The following MZT2B variants were observed in gnomAD, a reference collection of about 807,000 sequenced individuals.
MZT2B encodes mitotic spindle organizing protein 2B, also known as mitotic-spindle organizing protein 2B.
A neutral mutation model predicts 12.1 loss-of-function variants in MZT2B; 11 were observed. That is an observed-to-expected ratio of 0.91 (90% CI 0.57 to 1.50). The LOEUF (loss-of-function observed/expected upper bound fraction) is 1.50. MZT2B is among the 40% of genes most tolerant of loss of function. The pLI, the probability that MZT2B is intolerant of heterozygous loss-of-function variation, is 0.00. For missense variants in MZT2B, 209 were observed against 227.7 expected, an observed-to-expected ratio of 0.92 and a Z score of 0.53; for synonymous variants, 85 against 109.5, an observed-to-expected ratio of 0.78 and a Z score of 1.40.
intron 2 of MZT2B, among the ~76,000 whole-genome samples, chr2:130,189,729 G>C (rs1690188743): frequency 6.6e-6 from 1 of 152,234 alleles, no homozygotes; most frequent in Non-Finnish European, 1.5e-5. Context: ...CCCAAGTGTG[G>C]TTGCAGATTT....
downstream of MZT2B, chr2:130,191,709 T>C: frequency 6.7e-7 from 1 of 1,497,392 alleles, no homozygotes; most frequent in Non-Finnish European, 8.9e-7. Context: ...CACCAGCTCC[T>C]GTAGGCAGAG....
chr2:130,195,928 C>T, the MZT2B span, among the ~76,000 whole-genome samples: 1 of 152,240 alleles, frequency 6.6e-6, no homozygotes, highest in Non-Finnish European at 1.5e-5. Context: ...TTACTGCTGG[C>T]AAAGCAGCTT....
At chr2:130,198,177 G>A in the MZT2B span, among the ~76,000 whole-genome samples, 7 of 123,546 alleles carry the variant, frequency 5.7e-5, 2 homozygotes, top group Non-Finnish European at 8.9e-5. Flanking sequence ...AAAAGCCGCC[G>A]TCCCTGCCCT....
chr2:130,192,104 G>C (rs140400985), downstream of MZT2B: 1,222 of 1,601,314 alleles, frequency 7.6e-4, 21 homozygotes, highest in South Asian at 0.013. Context: ...GGACCACTGT[G>C]GGGGGCTGGT....
At chr2:130,204,327 G>C in the MZT2B span, 1 of 377,364 alleles carries the variant, frequency 2.6e-6, no homozygotes, top group African/African-American at 2.1e-5. Context: ...AGGAGGAGGA[G>C]ATGGAAGTAG....
At chr2:130,184,445 C>T in intron 2 of MZT2B, 1 of 985,472 alleles carries the variant, frequency 1.0e-6, no homozygotes, top group Non-Finnish European at 1.2e-6. Flanking sequence ...CACACTCCAG[C>T]ACTCAGCCCC....
At chr2:130,186,350 G>C (rs1235982884) in intron 2 of MZT2B, among the ~76,000 whole-genome samples, 1 of 152,202 alleles carries the variant, frequency 6.6e-6, no homozygotes, top group African/African-American at 2.4e-5. Flanking sequence ...ATACCCACAG[G>C]GAAGGGGAAA....
At chr2:130,197,906 C>G in the MZT2B span, among the ~76,000 whole-genome samples, 1 of 125,212 alleles carries the variant, frequency 8.0e-6, no homozygotes, top group African/African-American at 2.8e-5. Flanking sequence ...CCGCGCCTGG[C>G]CTAACGGTTG....
downstream of MZT2B, chr2:130,194,519 C>T (rs1007243911): frequency 1.5e-5 from 22 of 1,501,776 alleles, 1 homozygote; most frequent in Admixed American, 4.3e-4. Flanking sequence ...ACACCACCAA[C>T]CTCCAACAAG....
rs547935376 is a variant in MZT2B, at chr2:130,186,932, A to G, written c.320-3537A>G. ...AAAATAAACAAAAAACCCCAAAGTG[A>G]ATGAGGCTGGGCATTGGTTCACACC... On this transcript the variant is annotated intron_variant, in intron 2 of 2. Coordinates refer to ENST00000281871, the MANE Select transcript of MZT2B (RefSeq NM_025029.5). Among the ~76,000 whole-genome samples, 19 of 133,640 alleles carry G rather than the reference A, an allele frequency of 1.4e-4. No individual in the cohort carries two copies. In the East Asian group the frequency reaches 4.3e-3, roughly 31 times the overall value. The allele number at this position is 133,640 out of a possible 152,430, so 87.7% of individuals were successfully genotyped here. A position where few individuals can be genotyped will look rare whatever the true frequency, so the allele number is the denominator to read the frequency against.
chr2:130,190,801 G>C, downstream of MZT2B: 4 of 1,347,656 alleles, frequency 3.0e-6, no homozygotes, highest in Non-Finnish European at 3.8e-6. Flanking sequence ...TTTCTGTGCC[G>C]GTCCTGGTTG....
At position 130,190,711 on chromosome 2, in the gene MZT2B, G is replaced by T; in HGVS notation, c.*85G>T. Reference sequence around the variant, plus strand: ...AATTGATAATAAACCTTTCTGAGATGCAGAGGGTCCAGGTCAGATGTTGTC... The same window carrying T: ...AATTGATAATAAACCTTTCTGAGATTCAGAGGGTCCAGGTCAGATGTTGTC... On this transcript the variant is annotated 3_prime_UTR_variant, in exon 3 of 3. Transcript: ENST00000281871. 3 of 1,508,790 alleles carry T rather than the reference G, an allele frequency of 2.0e-6. No homozygotes were observed. Among genetic ancestry groups the T allele is most frequent in the Non-Finnish European group, 1.8e-6 (2 of 1,125,420 alleles). The allele number at this position is 1,508,790 out of a possible 1,614,324, so 93.5% of individuals were successfully genotyped here.
chr2:130,191,661 C>T (rs570011017), downstream of MZT2B: 27 of 1,251,432 alleles, frequency 2.2e-5, no homozygotes, highest in East Asian at 4.1e-4. Flanking sequence ...GCAGGGCAGG[C>T]TGGCACCCCA....
chr2:130,198,526 G>A, the MZT2B span: 27 of 836,504 alleles, frequency 3.2e-5, 7 homozygotes, highest in Non-Finnish European at 4.5e-5. Flanking sequence ...GCCGAGGGCC[G>A]GATCCCAGTT....
chr2:130,192,008 G>T, downstream of MZT2B: 1 of 1,614,070 alleles, frequency 6.2e-7, no homozygotes, highest in Non-Finnish European at 8.5e-7. Context: ...CGAACTTATG[G>T]ACCAGGCGGG....
intron 2 of MZT2B, among the ~76,000 whole-genome samples, chr2:130,188,903 A>C (rs574534076): frequency 5.9e-5 from 9 of 152,154 alleles, no homozygotes; most frequent in Non-Finnish European, 1.3e-4. Flanking sequence ...ACCCGGTTGC[A>C]TCTTTTCTCC....
chr2:130,187,189 TTTTA>T (rs774003753), intron 2 of MZT2B, among the ~76,000 whole-genome samples: 5 of 151,944 alleles, frequency 3.3e-5, no homozygotes, highest in South Asian at 2.1e-4. Context: ...TTCTTTTACT[TTTTA>T]TTTATTTATT....
At chr2:130,194,488 G>A (rs1353155888), downstream of MZT2B, 2 of 1,522,078 alleles carry the variant, frequency 1.3e-6, no homozygotes, top group East Asian at 2.3e-5. Context: ...CAGACAACGT[G>A]AGCCAATGCC....
chr2:130,202,539 A>G, the MZT2B span: 3,199 of 1,070,100 alleles, frequency 3.0e-3, 15 homozygotes, highest in African/African-American at 0.032. Flanking sequence ...TGGGACTCCC[A>G]CTCATGGACT....
Sources: gnomAD v4.1 joint callset for allele counts (sites outside exome capture counted in the v4.1 genomes callset) on GRCh38, gnomAD v4.1.1 for gene constraint, MANE v1.5 for transcripts, NCBI Gene and HGNC (gene_info 2026-07-23, HGNC 2026-07-21) for gene names.